IQGAP2: variants seen among roughly 807,000 people sequenced by gnomAD.
IQGAP2 encodes ras GTPase-activating-like protein IQGAP2.
A neutral mutation model predicts 201.3 loss-of-function variants in IQGAP2; 173 were observed. That is an observed-to-expected ratio of 0.86 (90% CI 0.76 to 0.98). The LOEUF (loss-of-function observed/expected upper bound fraction) is 0.98, where lower values mean the gene tolerates loss of function less well. Among genes scored for constraint, IQGAP2 ranks in the 50% least tolerant of loss-of-function variants. The probability of loss-of-function intolerance (pLI) is 0.00; values close to 1 mark genes in which losing one functional copy is unlikely to be tolerated. For synonymous variants in IQGAP2, 675 were observed against 673.9 expected, an observed-to-expected ratio of 1.00 and a Z score of -0.03; for missense variants, 1,687 against 1,864.8, an observed-to-expected ratio of 0.90 and a Z score of 1.76.
intron 20 of IQGAP2, among the ~76,000 whole-genome samples, chr5:76,658,176 A>G (rs1051340283): frequency 6.6e-6 from 1 of 152,212 alleles, no homozygotes; most frequent in Admixed American, 6.5e-5. Flanking sequence ...TTCTTAGCGC[A>G]TGAGTCCAGG....
intron 2 of IQGAP2, among the ~76,000 whole-genome samples, chr5:76,536,492 G>A (rs1759628467): frequency 6.6e-6 from 1 of 151,716 alleles, no homozygotes; most frequent in Non-Finnish European, 1.5e-5. Flanking sequence ...GGGCACGGTG[G>A]CTCACGCCTG....
chr5:76,571,450 G>C (rs1478745657), intron 4 of IQGAP2, among the ~76,000 whole-genome samples: 2 of 152,142 alleles, frequency 1.3e-5, no homozygotes, highest in East Asian at 3.9e-4. Context: ...TCCCAAAAGT[G>C]CTGGGATTAC....
At chr5:76,507,945 G>A (rs533545380) in intron 2 of IQGAP2, among the ~76,000 whole-genome samples, 68 of 145,944 alleles carry the variant, frequency 4.7e-4, no homozygotes, top group African/African-American at 1.6e-3. Flanking sequence ...GGAGGTTGCA[G>A]TGAGCCAAGA....
intron 2 of IQGAP2, among the ~76,000 whole-genome samples, chr5:76,469,561 T>C (rs1211225681): frequency 1.3e-5 from 2 of 152,218 alleles, no homozygotes; most frequent in African/African-American, 4.8e-5. Context: ...TATGCCACCA[T>C]GTCTGGCTAA....
intron 1 of IQGAP2, among the ~76,000 whole-genome samples, chr5:76,429,694 G>A (rs1408130967): frequency 6.7e-6 from 1 of 149,640 alleles, no homozygotes; most frequent in African/African-American, 2.5e-5. Context: ...TTGATGAAGG[G>A]TGTTAAAGTA....
At chr5:76,603,293 G>A (rs750557237) in intron 11 of IQGAP2, among the ~76,000 whole-genome samples, 6 of 152,118 alleles carry the variant, frequency 3.9e-5, no homozygotes, top group African/African-American at 7.2e-5. Context: ...AGGTATATCC[G>A]TGCTTCTCCC....
chr5:76,627,474 AC>A lies in IQGAP2; in HGVS notation c.1587del (p.Asn529LysfsTer33). 1 of 1,589,652 alleles carries A rather than the reference AC, an allele frequency of 6.3e-7. No individual in the cohort carries two copies. ...ATACAGCAAGCCGTCGATGATGCCA[AC>A]GTGGACAAGGACAGAGCAAAACAAT... ...DEIQQAVDDA[N>X]VDKDRAKQWV... On this transcript the variant is annotated frameshift_variant, in exon 14 of 36. Transcript: ENST00000274364. LOFTEE classifies it high-confidence loss of function.
intron 21 of IQGAP2, 59 bp from the exon 22 acceptor site, chr5:76,664,967 A>G: frequency 1.6e-5 from 15 of 950,118 alleles, no homozygotes; most frequent in Non-Finnish European, 2.5e-5. Flanking sequence ...CTATATGTGA[A>G]GGGAGGAGAT....
intron 3 of IQGAP2, among the ~76,000 whole-genome samples, chr5:76,564,219 A>C (rs1475668658): frequency 1.3e-5 from 2 of 152,234 alleles, no homozygotes; most frequent in African/African-American, 2.4e-5. Context: ...GAAGCCCAGA[A>C]AAAGACCATC....
rs140336967 is a variant in IQGAP2 at position 76,474,728 on chromosome 5, G to A, written c.146+13059G>A. 1.9e-3 allele frequency among the ~76,000 whole-genome samples: 288 copies of A among 152,302 alleles called. 2 individuals are homozygous for A. The highest frequency in any genetic ancestry group is 6.4e-3 in the African/African-American group (268 of 41,568). ...TTTACACCTGCATCAAGGTCACTTGGATGCTTGTGTGAGTGCAGGCTTCTG... is the reference window on the plus strand; with the variant it reads ...TTTACACCTGCATCAAGGTCACTTGAATGCTTGTGTGAGTGCAGGCTTCTG... On this transcript the variant is annotated intron_variant, in intron 2 of 35. Transcript: ENST00000274364.
At chr5:76,510,278 G>A (rs1199444682) in intron 2 of IQGAP2, among the ~76,000 whole-genome samples, 1 of 152,192 alleles carries the variant, frequency 6.6e-6, no homozygotes, top group East Asian at 1.9e-4. Flanking sequence ...GGAATTATAG[G>A]CATGAGCTAC....
chr5:76,444,601 A>C (rs1201014028), intron 1 of IQGAP2, among the ~76,000 whole-genome samples: 1 of 152,166 alleles, frequency 6.6e-6, no homozygotes, highest in Non-Finnish European at 1.5e-5. Context: ...GCCTGGCCAA[A>C]ATTGTTATTT....
intron 17 of IQGAP2, among the ~76,000 whole-genome samples, chr5:76,650,708 G>C (rs1752450735): frequency 1.3e-5 from 2 of 152,106 alleles, no homozygotes; most frequent in African/African-American, 4.8e-5. Context: ...GTGCCATGTT[G>C]GTTTGCTGCG....
At chr5:76,601,180 G>A (rs570374445) in intron 11 of IQGAP2, among the ~76,000 whole-genome samples, 1 of 152,332 alleles carries the variant, frequency 6.6e-6, no homozygotes, top group Non-Finnish European at 1.5e-5. Flanking sequence ...TGATCATCCT[G>A]TGGCAATTAA....
At chr5:76,493,637 A>G (rs1260585492) in intron 2 of IQGAP2, among the ~76,000 whole-genome samples, 1 of 151,988 alleles carries the variant, frequency 6.6e-6, no homozygotes, top group Non-Finnish European at 1.5e-5. Flanking sequence ...GGAATTAATT[A>G]ATTTAGTGAT....
intron 2 of IQGAP2, among the ~76,000 whole-genome samples, chr5:76,522,817 C>A (rs538983142): frequency 6.6e-6 from 1 of 152,284 alleles, no homozygotes; most frequent in African/African-American, 2.4e-5. Context: ...TTGGAAGCCA[C>A]TTACTTTGAA....
At chr5:76,504,575 A>G (rs889479369) in intron 2 of IQGAP2, among the ~76,000 whole-genome samples, 15 of 152,158 alleles carry the variant, frequency 9.9e-5, no homozygotes, top group Non-Finnish European at 1.6e-4. Flanking sequence ...CGTGAGCCCC[A>G]GATCTGTGTG....
intron 1 of IQGAP2, among the ~76,000 whole-genome samples, chr5:76,454,602 T>G (rs1199409097): frequency 6.6e-6 from 1 of 151,962 alleles, no homozygotes. Context: ...TTCATCCATG[T>G]CCCTACAAAG....
chr5:76,624,169 A>G (rs964817321), intron 13 of IQGAP2: 1 of 152,240 alleles, frequency 6.6e-6, no homozygotes, highest in Non-Finnish European at 1.5e-5. Flanking sequence ...CTTAACCAGT[A>G]TTAAGTGTAC....
Sources: gnomAD v4.1 joint callset for allele counts (sites outside exome capture counted in the v4.1 genomes callset) on GRCh38, gnomAD v4.1.1 for gene constraint, MANE v1.5 for transcripts, NCBI Gene and HGNC (gene_info 2026-07-23, HGNC 2026-07-21) for gene names.